KANK4: variants seen among roughly 807,000 people sequenced by gnomAD.
The protein encoded by KANK4 is KN motif and ankyrin repeat domain-containing protein 4.
Under a neutral mutation model 80.8 loss-of-function variants are expected in KANK4, and 50 were observed. That is an observed-to-expected ratio of 0.62 (90% CI 0.49 to 0.78). The LOEUF (loss-of-function observed/expected upper bound fraction) is 0.78, where lower values mean the gene tolerates loss of function less well. Ranked by LOEUF, KANK4 falls within the 30% of genes least tolerant of loss-of-function variation. The probability of loss-of-function intolerance (pLI) is 0.00; values close to 1 mark genes in which losing one functional copy is unlikely to be tolerated. For missense variants in KANK4, 1,196 were observed against 1,240.1 expected, an observed-to-expected ratio of 0.96 and a Z score of 0.53; for synonymous variants, 465 against 506.9, an observed-to-expected ratio of 0.92 and a Z score of 1.11.
At chr1:62,311,874 A>G (rs944424628) in intron 1 of KANK4, among the ~76,000 whole-genome samples, 2 of 152,188 alleles carry the variant, frequency 1.3e-5, no homozygotes, top group Non-Finnish European at 1.5e-5. Context: ...AATTAAATAA[A>G]ATTTACTACT....
At chr1:62,263,997 A>C (rs984388069) in intron 6 of KANK4, among the ~76,000 whole-genome samples, 1 of 152,200 alleles carries the variant, frequency 6.6e-6, no homozygotes, top group Admixed American at 6.5e-5. Flanking sequence ...ACATGAGCTC[A>C]GTGTTTAAAG....
At chr1:62,284,509 G>A (rs936703788) in intron 1 of KANK4, among the ~76,000 whole-genome samples, 5 of 152,080 alleles carry the variant, frequency 3.3e-5, no homozygotes, top group Non-Finnish European at 7.4e-5. Context: ...AGTAGAGATG[G>A]GGTTTCACTA....
At chr1:62,287,198 A>G (rs1672589009) in intron 1 of KANK4, among the ~76,000 whole-genome samples, 3 of 151,822 alleles carry the variant, frequency 2.0e-5, no homozygotes, top group African/African-American at 7.3e-5. Context: ...CAGACTCTAC[A>G]CTCTCCAAAC....
rs777369611 is a variant in KANK4 at position 62,273,868 on chromosome 1, C to CT, written c.1235_1236insA (p.Met413AspfsTer5). 6.2e-7 allele frequency: 1 copy of CT among 1,614,230 alleles called. No homozygotes were observed. The highest frequency in any genetic ancestry group is 1.1e-5 in the South Asian group (1 of 91,082). On this transcript the variant is annotated frameshift_variant, in exon 3 of 10. Coordinates refer to ENST00000371153, the MANE Select transcript of KANK4 (RefSeq NM_181712.5). LOFTEE classifies it high-confidence loss of function. The stretch of plus-strand genomic sequence containing the variant: ...CATGGACAGGGTCAGTGTTCACCAT[C>CT]ACGTCCGTCTGGCCCTGAGTGTCTT...
At chr1:62,277,133 G>A (rs900462839) in intron 2 of KANK4, among the ~76,000 whole-genome samples, 3 of 152,194 alleles carry the variant, frequency 2.0e-5, no homozygotes, top group African/African-American at 4.8e-5. Flanking sequence ...GATGAGGCAG[G>A]AGAGACACAA....
intron 9 of KANK4, among the ~76,000 whole-genome samples, chr1:62,240,266 T>A (rs1056004966): frequency 1.3e-5 from 2 of 152,228 alleles, no homozygotes; most frequent in Non-Finnish European, 2.9e-5. Context: ...TGATGGCCAG[T>A]GATGATGAGC....
At chr1:62,282,595 A>G (rs1672475293) in intron 1 of KANK4, among the ~76,000 whole-genome samples, 1 of 152,204 alleles carries the variant, frequency 6.6e-6, no homozygotes, top group African/African-American at 2.4e-5. Flanking sequence ...CAAGGATGGA[A>G]AAAAGGGGAC....
intron 2 of KANK4, among the ~76,000 whole-genome samples, chr1:62,275,602 G>A (rs1334645662): frequency 2.0e-5 from 3 of 152,176 alleles, no homozygotes; most frequent in Non-Finnish European, 2.9e-5. Context: ...TGCTAAAGCC[G>A]GAGGTATCAA....
intron 1 of KANK4, among the ~76,000 whole-genome samples, chr1:62,291,870 G>A (rs539413203): frequency 5.3e-5 from 8 of 152,308 alleles, no homozygotes; most frequent in African/African-American, 1.9e-4. Context: ...GCCTCCCAAA[G>A]TGCTGGAATT....
rs1036825803 is a variant in KANK4 at position 62,290,952 on chromosome 1, G to A, written c.-70-9318C>T. On this transcript the variant is annotated intron_variant, in intron 1 of 9. Transcript: ENST00000371153. ...TTTTTAGTAGAGACAGGGTTTCACC[G>A]TGTTAGCCAGAATGGTCTCGATCTC... is the stretch of plus-strand genomic sequence containing the variant. Among the ~76,000 whole-genome samples the A allele has an allele frequency of 6.6e-5, 10 of 151,880 alleles. No homozygotes were observed. The South Asian group carries it at 8.3e-4, about 13-fold the overall frequency.
Position 62,247,518 on chromosome 1 carries a change from C to A in KANK4, c.2837G>T (p.Arg946Leu). 1 of 1,614,014 alleles carries A rather than the reference C, an allele frequency of 6.2e-7. No homozygotes were observed. Among genetic ancestry groups the A allele is most frequent in the Non-Finnish European group, 8.5e-7 (1 of 1,180,030 alleles). ...GCAGGCTGGGTGTGCCAGGAGCAGC[C>A]GCACCAGGTCCACGTTGCCATGGTG... Reference protein sequence around the residue: ...ACHHGNVDLVRLLLAHPACDS... With the variant: ...ACHHGNVDLVLLLLAHPACDS... Residue 946 changes from arginine to leucine, a missense_variant, in exon 9 of 10, where the codon CGG becomes CTG. Physicochemically the swap from Arg to Leu is moderately radical, Grantham distance 102. This residue lies in a region of KANK4 where 1,154 missense variants were observed against 1,179.6 expected (regional missense o/e 0.98). Coordinates refer to ENST00000371153, the MANE Select transcript of KANK4 (RefSeq NM_181712.5).
Position 62,268,329 on chromosome 1 carries a change from T to C in KANK4, c.2189A>G (p.Glu730Gly). The C allele has an allele frequency of 1.9e-6, 3 of 1,613,988 alleles. No individual in the cohort carries two copies. The highest frequency in any genetic ancestry group is 2.5e-6 in the Non-Finnish European group (3 of 1,179,976). ...GGGGACTTCTTCCCCAGGCCCACTT[T>C]CCTGGGCAGCATGGCAGGTGCCCTC... Reference protein sequence around the residue: ...IPEGTCHAAQESGPGEEVPHS... With the variant: ...IPEGTCHAAQGSGPGEEVPHS... The change falls in exon 5 of 10, where the codon GAA becomes GGA. Residue 730 changes from glutamate to glycine, a missense_variant. By Grantham distance (98) the Glu-to-Gly change is moderately conservative. Transcript: ENST00000371153.
At position 62,263,291 on chromosome 1, in the gene KANK4, G is replaced by C; in HGVS notation, c.2340C>G (p.Ile780Met). The C allele has an allele frequency of 6.2e-7, 1 of 1,613,116 alleles. No homozygotes were observed. Among genetic ancestry groups the C allele is most frequent in the Non-Finnish European group, 8.5e-7 (1 of 1,179,710 alleles). ...DQLLRQSLNT[I>M]SQEWFRVSSR... ...TGGAGACGCGGAACCACTCTTGACT[G>C]ATGGTGTTCAAGCTTTGCCTCTGAA... Residue 780 changes from isoleucine to methionine, a missense_variant, in exon 7 of 10, where the codon ATC (isoleucine) becomes ATG (methionine). Physicochemically the swap from Ile to Met is conservative, Grantham distance 10. This residue lies in a region of KANK4 where 1,154 missense variants were observed against 1,179.6 expected (regional missense o/e 0.98). Coordinates refer to ENST00000371153, the MANE Select transcript of KANK4 (RefSeq NM_181712.5).
At chr1:62,289,638 A>G (rs919694431) in intron 1 of KANK4, among the ~76,000 whole-genome samples, 1 of 151,154 alleles carries the variant, frequency 6.6e-6, no homozygotes, top group Non-Finnish European at 1.5e-5. Flanking sequence ...AGACAGAAGA[A>G]GACAAAAAAA....
rs926215401 is a variant in KANK4 at position 62,255,607 on chromosome 1, G to C, written c.2540-2398C>G. Among the ~76,000 whole-genome samples, 8 of 151,700 alleles carry C rather than the reference G, an allele frequency of 5.3e-5. 1 individual carries two copies. Among genetic ancestry groups the C allele is most frequent in the Non-Finnish European group, 1.2e-4 (8 of 67,950 alleles). The stretch of plus-strand genomic sequence containing the variant: ...TTAGCATTTCCTTCTCTATAAAATG[G>C]GGATAACAACACAACCTACCTTATA... On this transcript the variant is annotated intron_variant, in intron 7 of 9. Transcript: ENST00000371153.
intron 1 of KANK4, among the ~76,000 whole-genome samples, chr1:62,281,997 G>A (rs1267882977): frequency 6.6e-6 from 1 of 152,272 alleles, no homozygotes; most frequent in Admixed American, 6.5e-5. Context: ...CAGGGCTCTT[G>A]CCATAATCTC....
chr1:62,283,083 G>A (rs1181109907), intron 1 of KANK4, among the ~76,000 whole-genome samples: 6 of 152,174 alleles, frequency 3.9e-5, no homozygotes, highest in Admixed American at 6.5e-5. Context: ...AGAGAACACC[G>A]CTGCCTCTCT....
chr1:62,274,129 G>C lies in KANK4; in HGVS notation c.975C>G (p.Ile325Met), dbSNP rs147437442. Residue 325 changes from isoleucine to methionine, a missense_variant, in exon 3 of 10, where the codon ATC becomes ATG. Transcript: ENST00000371153. ...PVEVDMRSIG[I>M]RVTEESLGLA... is the part of the protein sequence containing the mutation. ...GGCCCAGGCTTTCCTCAGTTACCCT[G>C]ATGCCAATGCTTCTCATGTCCACCT... 5.8e-5 allele frequency: 93 copies of C among 1,614,158 alleles called. No individual in the cohort carries two copies. The African/African-American group carries it at 1.1e-3, about 20-fold the overall frequency.
intron 7 of KANK4, 134 bp downstream of exon 7, chr1:62,262,958 C>T (rs1216059580): frequency 1.4e-6 from 1 of 706,616 alleles, no homozygotes; most frequent in African/African-American, 1.8e-5. Flanking sequence ...CCAGACTTCA[C>T]CACTGTGCAA....
Sources: gnomAD v4.1 joint callset for allele counts (sites outside exome capture counted in the v4.1 genomes callset) on GRCh38, gnomAD v4.1.1 for gene constraint, gnomAD v4.1.1 regional missense constraint, MANE v1.5 for transcripts, NCBI Gene and HGNC (gene_info 2026-07-23, HGNC 2026-07-21) for gene names.